The following PTPRD variants were observed in gnomAD, a reference collection of about 807,000 sequenced individuals.
PTPRD encodes the protein receptor-type tyrosine-protein phosphatase delta.
PTPRD carries 34 observed loss-of-function variants against 214.5 expected under a neutral mutation model. That is an observed-to-expected ratio of 0.16 (90% CI 0.12 to 0.21). The LOEUF (loss-of-function observed/expected upper bound fraction) is 0.21. PTPRD is among the 10% of genes least tolerant of loss of function. The probability of loss-of-function intolerance (pLI) is 1.00; values close to 1 mark genes in which losing one functional copy is unlikely to be tolerated. For synonymous variants in PTPRD, 1,128 were observed against 845.7 expected (o/e 1.33, Z -5.79); for missense variants, 2,545 against 2,398.7 (o/e 1.06, Z -1.27).
At chr9:10,084,074 A>C (rs895225027) in intron 3 of PTPRD, among the ~76,000 whole-genome samples, 3 of 151,966 alleles carry the variant, frequency 2.0e-5, no homozygotes, top group African/African-American at 7.2e-5. Context: ...TTTTAGAAAC[A>C]CAGTTAATAA....
intron 11 of PTPRD, among the ~76,000 whole-genome samples, chr9:8,834,181 G>A (rs372928851): frequency 4.6e-5 from 7 of 151,824 alleles, no homozygotes; most frequent in Non-Finnish European, 8.8e-5. Context: ...GAATTCAATA[G>A]TTCAAGGGAA....
At chr9:10,583,560 T>TC (rs1404415402) in intron 2 of PTPRD, among the ~76,000 whole-genome samples, 2 of 151,934 alleles carry the variant, frequency 1.3e-5, no homozygotes, top group African/African-American at 4.8e-5. Flanking sequence ...CACACCATTC[T>TC]CCTGCCTCAG....
At chr9:8,829,120 G>A (rs1470088250) in intron 11 of PTPRD, among the ~76,000 whole-genome samples, 1 of 152,022 alleles carries the variant, frequency 6.6e-6, no homozygotes, top group African/African-American at 2.4e-5. Flanking sequence ...TTTTATAATT[G>A]AAGTATAGCT....
At chr9:8,496,668 A>G (rs1276922641) in intron 26 of PTPRD, among the ~76,000 whole-genome samples, 1 of 152,208 alleles carries the variant, frequency 6.6e-6, no homozygotes, top group African/African-American at 2.4e-5. Flanking sequence ...CCAGATCTAT[A>G]TCTTGTTATC....
chr9:8,569,063 C>A (rs536168799), intron 14 of PTPRD, among the ~76,000 whole-genome samples: 54 of 152,012 alleles, frequency 3.6e-4, no homozygotes, highest in Non-Finnish European at 6.0e-4. Context: ...TCCCAAAAAC[C>A]TTCCTTCCTA....
At chr9:8,440,201 T>G (rs1251740762) in intron 34 of PTPRD, among the ~76,000 whole-genome samples, 1 of 152,042 alleles carries the variant, frequency 6.6e-6, no homozygotes, top group Non-Finnish European at 1.5e-5. Context: ...TTAGCAAGCT[T>G]TAGTACTCAG....
At chr9:10,280,360 CCACACACACA>C (rs61249776) in intron 3 of PTPRD, among the ~76,000 whole-genome samples, 1 of 144,816 alleles carries the variant, frequency 6.9e-6, no homozygotes, top group East Asian at 2.0e-4. Flanking sequence ...TACATAAACA[CCACACACACA>C]CACACACACA....
At chr9:8,811,811 C>G (rs2096811835) in intron 11 of PTPRD, among the ~76,000 whole-genome samples, 1 of 152,168 alleles carries the variant, frequency 6.6e-6, no homozygotes, top group South Asian at 2.1e-4. Context: ...TACATGCAAC[C>G]TAGAAATTCA....
intron 8 of PTPRD, among the ~76,000 whole-genome samples, chr9:9,425,792 A>G (rs899207621): frequency 5.9e-5 from 9 of 152,318 alleles, no homozygotes; most frequent in Non-Finnish European, 1.2e-4. Flanking sequence ...ACTAATAACA[A>G]AACTGGAATT....
intron 5 of PTPRD, among the ~76,000 whole-genome samples, chr9:9,881,714 A>G (rs58575077): frequency 0.046 from 7,030 of 152,162 alleles, 491 homozygotes; most frequent in African/African-American, 0.16. Flanking sequence ...TCACACCCCC[A>G]CATCTCACTC....
intron 7 of PTPRD, among the ~76,000 whole-genome samples, chr9:9,674,036 G>C (rs962196166): frequency 6.6e-6 from 1 of 151,810 alleles, no homozygotes; most frequent in South Asian, 2.1e-4. Context: ...ACAGCTACAG[G>C]AGGAAGAGAG....
chr9:8,946,296 T>C (rs879250309), intron 11 of PTPRD, among the ~76,000 whole-genome samples: 1 of 152,052 alleles, frequency 6.6e-6, no homozygotes, highest in Non-Finnish European at 1.5e-5. Context: ...TGAGATAAAA[T>C]TAATCAAAAG....
At chr9:8,397,998 C>A (rs1022703684) in intron 36 of PTPRD, among the ~76,000 whole-genome samples, 1 of 152,012 alleles carries the variant, frequency 6.6e-6, no homozygotes, top group Admixed American at 6.6e-5. Context: ...GTCTGGTTTC[C>A]ATTTATCAAG....
chr9:9,303,238 T>C (rs1035047234), intron 9 of PTPRD, among the ~76,000 whole-genome samples: 8 of 152,040 alleles, frequency 5.3e-5, no homozygotes, highest in African/African-American at 1.7e-4. Flanking sequence ...CAATAAATAC[T>C]ACTAATGATA....
chr9:10,534,126 A>T lies in PTPRD; in HGVS notation c.-600+78272T>A, dbSNP rs568281620. ...TTCATTAAGGGAAACCCTTACTATC[A>T]TTGTCAGGTTGTTTAAGGATTATAT... On this transcript the variant is annotated intron_variant, in intron 2 of 45. Coordinates refer to ENST00000381196, the MANE Select transcript of PTPRD (RefSeq NM_002839.4). Among the ~76,000 whole-genome samples, 28 of 151,964 alleles carry T rather than the reference A, an allele frequency of 1.8e-4. 1 individual carries two copies. In the South Asian group the frequency reaches 5.8e-3, roughly 32 times the overall value.
chr9:9,879,368 C>G (rs995285208), intron 5 of PTPRD, among the ~76,000 whole-genome samples: 1 of 152,142 alleles, frequency 6.6e-6, no homozygotes, highest in Non-Finnish European at 1.5e-5. Context: ...AAAAAAATGC[C>G]TCTAGGTAGA....
chr9:10,548,738 G>C (rs1472295708), intron 2 of PTPRD, among the ~76,000 whole-genome samples: 1 of 14,982 alleles, frequency 6.7e-5, no homozygotes, highest in African/African-American at 1.2e-4. Flanking sequence ...GATTAACTTT[G>C]AGCAACATCT....
intron 11 of PTPRD, among the ~76,000 whole-genome samples, chr9:8,941,336 A>T (rs777837692): frequency 1.7e-4 from 26 of 152,186 alleles, no homozygotes; most frequent in Non-Finnish European, 3.1e-4. Context: ...TATCAACAAA[A>T]TTACACACGT....
At chr9:8,918,594 T>C (rs1588014695) in intron 11 of PTPRD, among the ~76,000 whole-genome samples, 1 of 152,160 alleles carries the variant, frequency 6.6e-6, no homozygotes, top group South Asian at 2.1e-4. Context: ...TGTGTATGCA[T>C]GCATATATAG....
Sources: allele counts gnomAD v4.1 joint callset (sites outside exome capture counted in the v4.1 genomes callset), GRCh38; gene constraint gnomAD v4.1.1; transcripts MANE v1.5; gene names NCBI Gene and HGNC (gene_info 2026-07-23, HGNC 2026-07-21).